The following JCAD variants were observed in gnomAD, a reference collection of about 807,000 sequenced individuals.
JCAD encodes the protein junctional cadherin 5-associated protein.
Under a neutral mutation model 98.0 loss-of-function variants are expected in JCAD, and 40 were observed. The observed-to-expected ratio is 0.41, with a 90% CI of 0.32 to 0.53. The LOEUF (loss-of-function observed/expected upper bound fraction) is 0.53, where lower values mean the gene tolerates loss of function less well. JCAD is among the 20% of genes least tolerant of loss of function. The pLI is 0.31. For missense variants in JCAD, 1,705 were observed against 1,738.1 expected (o/e 0.98, Z 0.34); for synonymous variants, 691 against 682.3 (o/e 1.01, Z -0.20).
intron 1 of JCAD, among the ~76,000 whole-genome samples, chr10:30,113,270 G>C (rs372143194): frequency 1.2e-4 from 18 of 151,868 alleles, no homozygotes; most frequent in African/African-American, 4.1e-4. Flanking sequence ...GCCTCCCAGA[G>C]CCGGGTGCAG....
intron 1 of JCAD, among the ~76,000 whole-genome samples, chr10:30,093,956 A>T (rs572962653): frequency 2.0e-5 from 3 of 152,308 alleles, no homozygotes; most frequent in African/African-American, 7.2e-5. Context: ...TCTTGTTCTA[A>T]AGAGGTTGGG....
chr10:30,109,917 C>T lies in JCAD; in HGVS notation n.128+5450G>A, dbSNP rs540702674. On this transcript the variant is annotated intron_variant and non_coding_transcript_variant, in intron 1 of 2. Coordinates refer to the JCAD transcript ENST00000465712. ...ATGTATGGACCAGTTGATATATGGACCAGCTGATATGTAGACCCCCCTGTG... is the reference window on the plus strand; with the variant it reads ...ATGTATGGACCAGTTGATATATGGATCAGCTGATATGTAGACCCCCCTGTG... 3.3e-5 allele frequency among the ~76,000 whole-genome samples: 5 copies of T among 151,862 alleles called. No homozygotes were observed. In the South Asian group the frequency reaches 6.2e-4, roughly 19 times the overall value.
chr10:30,062,201 A>G (rs1238098891), upstream of JCAD, among the ~76,000 whole-genome samples: 1 of 152,216 alleles, frequency 6.6e-6, no homozygotes, highest in Non-Finnish European at 1.5e-5. Context: ...GGCAGATTCA[A>G]TTAGGGGAAT....
rs760079214 is a variant in JCAD, at chr10:30,027,607, T to G, written c.2541A>C (p.Glu847Asp). 6.2e-7 allele frequency: 1 copy of G among 1,613,938 alleles called. No individual in the cohort carries two copies. Among genetic ancestry groups the G allele is most frequent in the African/African-American group, 1.3e-5 (1 of 74,932 alleles). The part of the protein sequence containing the change: ...SFNKELQEEE[E>D]SSSSSSSSSS... ...TGCTGCTGCTGCTGCTACTGCTGCT[T>G]TCTTCCTCTTCCTGGAGCTCCTTGT... The change falls in exon 3 of 4, where the codon GAA becomes GAC. Residue 847 changes from glutamate (E) to aspartate (D), a missense_variant. This residue lies in a region of JCAD where 1,278 missense variants were observed against 1,243.1 expected (regional missense o/e 1.03). Coordinates refer to ENST00000375377, the MANE Select transcript of JCAD (RefSeq NM_020848.4).
chr10:30,063,752 G>A (rs1837740258), upstream of JCAD, among the ~76,000 whole-genome samples: 1 of 151,654 alleles, frequency 6.6e-6, no homozygotes, highest in South Asian at 2.1e-4. Context: ...TTGAATATTT[G>A]TTTCCTCCAA....
At chr10:30,040,677 C>G (rs1006226681) in intron 2 of JCAD, among the ~76,000 whole-genome samples, 3 of 152,244 alleles carry the variant, frequency 2.0e-5, no homozygotes, top group Non-Finnish European at 4.4e-5. Context: ...GACCCTGCAG[C>G]TGGGTCTCTG....
intron 2 of JCAD, among the ~76,000 whole-genome samples, chr10:30,045,018 C>T (rs1390085623): frequency 6.6e-6 from 1 of 152,038 alleles, no homozygotes; most frequent in Non-Finnish European, 1.5e-5. Flanking sequence ...GACAAGAGGC[C>T]AGATCTGTCG....
At chr10:30,062,884 C>T (rs1242901726), upstream of JCAD, among the ~76,000 whole-genome samples, 1 of 152,102 alleles carries the variant, frequency 6.6e-6, no homozygotes, top group Non-Finnish European at 1.5e-5. Context: ...CAGAGCCAAA[C>T]CATATCAGAG....
rs1836953183 is a variant in JCAD at position 30,029,829 on chromosome 10, G to A, written c.319C>T (p.Pro107Ser). ...NQPPSAWSSH[P>S]PTGNDQAYRR... is the part of the protein sequence containing the mutation. ...TAGGCTTGGTCGTTACCAGTCGGGG[G>A]ATGAGAGGACCATGCTGAGGGGGGT... Residue 107 changes from proline (P) to serine (S), a missense_variant, in exon 3 of 4, where the codon CCC (proline) becomes TCC (serine). Transcript: ENST00000375377. 2 of 1,614,090 alleles carry A rather than the reference G, an allele frequency of 1.2e-6. No individual in the cohort carries two copies. Among genetic ancestry groups the A allele is most frequent in the East Asian group, 2.2e-5 (1 of 44,902 alleles).
intron 1 of JCAD, among the ~76,000 whole-genome samples, chr10:30,071,157 G>A (rs776604910): frequency 2.0e-5 from 3 of 152,192 alleles, no homozygotes; most frequent in South Asian, 4.2e-4. Flanking sequence ...CATCTGCCTC[G>A]GCCTCCCAAA....
intron 1 of JCAD, among the ~76,000 whole-genome samples, chr10:30,113,035 G>A (rs970276851): frequency 5.9e-5 from 9 of 152,144 alleles, no homozygotes; most frequent in African/African-American, 1.2e-4. Flanking sequence ...GCATGACATC[G>A]TGAATGTACA....
intron 2 of JCAD, among the ~76,000 whole-genome samples, chr10:30,030,260 A>G (rs1836963201): frequency 6.6e-6 from 1 of 152,228 alleles, no homozygotes; most frequent in Non-Finnish European, 1.5e-5. Flanking sequence ...CCTGTGCAAC[A>G]TAGTAAGACT....
intron 1 of JCAD, among the ~76,000 whole-genome samples, chr10:30,087,361 C>A (rs929060980): frequency 4.6e-5 from 7 of 152,076 alleles, no homozygotes; most frequent in Non-Finnish European, 8.8e-5. Context: ...ATCGCTTGAA[C>A]CTGGGAGGTG....
chr10:30,090,192 C>T (rs751032184), intron 1 of JCAD, among the ~76,000 whole-genome samples: 4 of 152,204 alleles, frequency 2.6e-5, no homozygotes, highest in East Asian at 1.9e-4. Flanking sequence ...AGCTCCCAAA[C>T]GATCATGAGC....
intron 3 of JCAD, among the ~76,000 whole-genome samples, chr10:30,023,367 C>T (rs1836707148): frequency 1.3e-5 from 2 of 152,150 alleles, no homozygotes; most frequent in Admixed American, 1.3e-4. Flanking sequence ...TGTTTAGATA[C>T]ACAAATGCTT....
Position 30,029,701 on chromosome 10 carries a change from C to T in JCAD, c.447G>A (p.Val149=). The change falls in exon 3 of 4, where the codon GTG becomes GTA. Residue 149 remains valine (V), a synonymous_variant. Coordinates refer to ENST00000375377, the MANE Select transcript of JCAD (RefSeq NM_020848.4). Reference sequence around the variant, plus strand: ...CTCCAACTTCCCATGGACCCTCCCTCACGTGGACAGGCAGGCTGTGGGCTT... The same window carrying T: ...CTCCAACTTCCCATGGACCCTCCCTTACGTGGACAGGCAGGCTGTGGGCTT... The part of the protein sequence containing the change: ...MAQAHSLPVH[V]REGPWEVGGR... 6.2e-7 allele frequency: 1 copy of T among 1,614,262 alleles called. No homozygotes were observed. The highest frequency in any genetic ancestry group is 8.5e-7 in the Non-Finnish European group (1 of 1,180,048).
intron 3 of JCAD, among the ~76,000 whole-genome samples, chr10:30,024,070 C>A: frequency 6.6e-6 from 1 of 152,132 alleles, no homozygotes; most frequent in East Asian, 1.9e-4. Flanking sequence ...GAGGCTGAGG[C>A]AGGACAATCG....
chr10:30,036,331 C>T (rs1171726669), intron 2 of JCAD, among the ~76,000 whole-genome samples: 2 of 152,150 alleles, frequency 1.3e-5, no homozygotes, highest in Non-Finnish European at 2.9e-5. Context: ...TGCCTGTAAT[C>T]CCAGCTACTT....
chr10:30,032,737 T>C (rs1837028234), intron 2 of JCAD, among the ~76,000 whole-genome samples: 1 of 152,226 alleles, frequency 6.6e-6, no homozygotes, highest in African/African-American at 2.4e-5. Flanking sequence ...GGATGTGAAT[T>C]TTTGAACAGC....
Sources: allele counts gnomAD v4.1 joint callset (sites outside exome capture counted in the v4.1 genomes callset), GRCh38; gene constraint gnomAD v4.1.1; regional missense constraint gnomAD v4.1.1; transcripts MANE v1.5; gene names NCBI Gene and HGNC (gene_info 2026-07-23, HGNC 2026-07-21).